The following DOC2A variants were observed in gnomAD, a reference collection of about 807,000 sequenced individuals.
DOC2A encodes double C2-like domain-containing protein alpha.
A neutral mutation model predicts 40.6 loss-of-function variants in DOC2A; 28 were observed. That is an observed-to-expected ratio of 0.69 (90% confidence interval 0.51 to 0.95). DOC2A has a LOEUF of 0.95. DOC2A is among the 40% of genes least tolerant of loss of function. The pLI, the probability that DOC2A is intolerant of heterozygous loss-of-function variation, is 0.00. For synonymous variants in DOC2A, 241 were observed against 236.9 expected, an observed-to-expected ratio of 1.02 and a Z score of -0.16; for missense variants, 474 against 552.5, an observed-to-expected ratio of 0.86 and a Z score of 1.42.
chr16:30,011,473 G>GCCTC (rs960703751), upstream of DOC2A: 2 of 950,878 alleles, frequency 2.1e-6, no homozygotes, highest in Non-Finnish European at 2.5e-6. Flanking sequence ...CGGCCACGGC[G>GCCTC]CCTCCCTCCC....
chr16:30,018,946 T>C (rs1205332399), intron 1 of DOC2A: 1 of 152,254 alleles, frequency 6.6e-6, no homozygotes, highest in Admixed American at 6.6e-5. Context: ...CCATTTGATT[T>C]GGCAGATTAT....
At position 30,006,090 on chromosome 16, in the gene DOC2A, G is replaced by A; in HGVS notation, c.*96C>T. 3 of 1,406,788 alleles carry A rather than the reference G, an allele frequency of 2.1e-6. No individual in the cohort carries two copies. In the South Asian group the frequency reaches 4.2e-5, roughly 20 times the overall value. The allele number at this position is 1,406,788 out of a possible 1,614,324, so 87.1% of individuals were successfully genotyped here. On this transcript the variant is annotated 3_prime_UTR_variant, in exon 11 of 11. Transcript: ENST00000350119. This position sits in a 1 kb window ranked among gnomAD's most constrained non-coding sequence, Gnocchi z 6.2. The stretch of plus-strand genomic sequence containing the variant: ...TCACAAAAATAGGTAGTGCAGGGTG[G>A]GGGCAGCCCACCCTGTGTAAACGTG...
In DOC2A at chr16:30,006,416, T is replaced by C; in HGVS notation, c.1054A>G (p.Ile352Val). ...DYDIGKSNDF[I>V]GGVSLGPGAR... ...CCGCAGCCAGCTCCTCCCTCACCAA[T>C]GAAGTCATTGGATTTGCCAATGTCA... The change falls in exon 10 of 11, where the codon ATT (isoleucine) becomes GTT (valine). Residue 352 changes from isoleucine (I) to valine (V), a missense_variant. Ile to Val is a conservative substitution (Grantham distance 29, BLOSUM62 3). Coordinates refer to ENST00000350119, the MANE Select transcript of DOC2A (RefSeq NM_003586.3). The surrounding 1 kb of genome is among the most constrained non-coding windows in gnomAD (Gnocchi z 6.2). 1 of 1,613,314 alleles carries C rather than the reference T, an allele frequency of 6.2e-7. No homozygotes were observed. Among genetic ancestry groups the C allele is most frequent in the Non-Finnish European group, 8.5e-7 (1 of 1,179,834 alleles).
rs747678330 is a variant in DOC2A, at chr16:30,007,031, C to T, written c.714G>A (p.Glu238=). 3.7e-6 allele frequency: 6 copies of T among 1,613,816 alleles called. No homozygotes were observed. The highest frequency in any genetic ancestry group is 4.5e-5 in the East Asian group (2 of 44,858). Residue 238 remains glutamate, a splice_region_variant and synonymous_variant, in exon 7 of 11, where the codon GAG becomes GAA. Coordinates refer to ENST00000350119, the MANE Select transcript of DOC2A (RefSeq NM_003586.3). ...TCCCCATCCCCATGAGGTGCCTCAC[C>T]TCCTTCAGATAACAGGAGATGCCCC... ...ALRGISCYLK[E]LEQAEQGQGL...
chr16:30,019,561 T>C (rs974787551), intron 1 of DOC2A, among the ~76,000 whole-genome samples: 1 of 152,158 alleles, frequency 6.6e-6, no homozygotes, highest in East Asian at 1.9e-4. Context: ...GATAATGCAT[T>C]GTTTGGGTCA....
chr16:30,009,206 C>G lies in DOC2A; in HGVS notation c.413G>C (p.Cys138Ser). 1 of 1,594,262 alleles carries G rather than the reference C, an allele frequency of 6.3e-7. No individual in the cohort carries two copies. Among genetic ancestry groups the G allele is most frequent in the South Asian group, 1.1e-5 (1 of 89,300 alleles). ...YVKLHLLPGA[C>S]KANKLKTKTQ... is the part of the protein sequence containing the mutation. ...GGGGCGAGAGGAGGCTGTTACCTTA[C>G]AGGCTCCAGGCAGCAAGTGCAGCTT... Residue 138 changes from cysteine (C) to serine (S), a missense_variant, in exon 4 of 11, where the codon TGT becomes TCT. Cys to Ser is a moderately radical substitution (Grantham distance 112, BLOSUM62 -1). Coordinates refer to ENST00000350119, the MANE Select transcript of DOC2A (RefSeq NM_003586.3). This position sits in a 1 kb window ranked among gnomAD's most constrained non-coding sequence, Gnocchi z 4.1.
At chr16:30,008,951 G>T in intron 5 of DOC2A, 45 bp downstream of exon 5, 1 of 1,305,628 alleles carries the variant, frequency 7.7e-7, no homozygotes, top group Non-Finnish European at 1.1e-6. Context: ...TACAATGTCA[G>T]CTGTCCCCGA....
Position 30,010,274 on chromosome 16 carries a change from T to C in DOC2A, c.-13-39A>G. ...TGTGAGCCAGTGAGCCCATCATACC[T>C]AGCCATCCTGGCTGAGGGCCAGGCG... On this transcript the variant is annotated intron_variant, in intron 1 of 10. Coordinates refer to ENST00000350119, the MANE Select transcript of DOC2A (RefSeq NM_003586.3). This position sits in a 1 kb window ranked among gnomAD's most constrained non-coding sequence, Gnocchi z 4.2. The C allele has an allele frequency of 6.2e-7, 1 of 1,608,996 alleles. No individual in the cohort carries two copies. Among genetic ancestry groups the C allele is most frequent in the Non-Finnish European group, 8.5e-7 (1 of 1,179,800 alleles).
chr16:30,008,940 T>C, intron 5 of DOC2A, 56 bp downstream of exon 5: 1 of 1,204,248 alleles, frequency 8.3e-7, no homozygotes, highest in Admixed American at 1.7e-5. Flanking sequence ...CAACCAGCGG[T>C]TACAATGTCA....
At chr16:30,023,111 G>A (rs573418204), upstream of DOC2A, 210 of 441,332 alleles carry the variant, frequency 4.8e-4, no homozygotes, top group African/African-American at 3.8e-3. Flanking sequence ...TGGCCGTGCC[G>A]CATCCCTCCT....
upstream of DOC2A, among the ~76,000 whole-genome samples, chr16:30,014,777 A>C (rs530418024): frequency 6.6e-6 from 1 of 151,860 alleles, no homozygotes; most frequent in Non-Finnish European, 1.5e-5. Flanking sequence ...GTCTCTATTA[A>C]AATTACAAAA....
In DOC2A at chr16:30,009,580, A is replaced by G. The variant is rs1455705590; in HGVS notation, c.263-23T>C. On this transcript the variant is annotated intron_variant, in intron 2 of 10. Coordinates refer to ENST00000350119, the MANE Select transcript of DOC2A (RefSeq NM_003586.3). This position sits in a 1 kb window ranked among gnomAD's most constrained non-coding sequence, Gnocchi z 4.1. ...CGGCTGGAGAGAGAGGAAAGGCAGCATGGGTCGGTATGGAGACAGGTGTGT... is the reference window on the plus strand; with the variant it reads ...CGGCTGGAGAGAGAGGAAAGGCAGCGTGGGTCGGTATGGAGACAGGTGTGT... 3 of 1,545,238 alleles carry G rather than the reference A, an allele frequency of 1.9e-6. No homozygotes were observed. In the South Asian group the frequency reaches 3.6e-5, roughly 18 times the overall value.
chr16:30,018,295 G>GA (rs887989103), intron 1 of DOC2A, among the ~76,000 whole-genome samples: 1 of 141,252 alleles, frequency 7.1e-6, no homozygotes, highest in African/African-American at 2.5e-5. Flanking sequence ...AAAAAAAAAA[G>GA]AAAGAAAGAA....
chr16:30,009,137 C>T lies in DOC2A; in HGVS notation c.418-32G>A, dbSNP rs2070702850. 1.2e-6 allele frequency: 2 copies of T among 1,601,138 alleles called. No individual in the cohort carries two copies. On this transcript the variant is annotated intron_variant, in intron 4 of 10. Coordinates refer to ENST00000350119, the MANE Select transcript of DOC2A (RefSeq NM_003586.3). This position sits in a 1 kb window ranked among gnomAD's most constrained non-coding sequence, Gnocchi z 4.1. ...TGTGGGGATGAAAGGTTCTCAATAC[C>T]TGTCCTCCAGCCCCACAGGCTGGAG...
Position 30,005,739 on chromosome 16 carries a change from T to G in DOC2A, c.*447A>C, listed in dbSNP as rs1049438420. On this transcript the variant is annotated 3_prime_UTR_variant, in exon 11 of 11. Transcript: ENST00000350119. ...GGCCACCTCTTTAAAAGGGCAGCTGTACAGGGCTAGGTTTTTTCAATGAAG... is the reference window on the plus strand; with the variant it reads ...GGCCACCTCTTTAAAAGGGCAGCTGGACAGGGCTAGGTTTTTTCAATGAAG... 1 of 503,462 alleles carries G rather than the reference T, an allele frequency of 2.0e-6. No homozygotes were observed. Among genetic ancestry groups the G allele is most frequent in the Non-Finnish European group, 3.5e-6 (1 of 285,598 alleles). 31.2% of individuals were successfully genotyped at this position (503,462 alleles called of 1,614,324 possible).
At position 30,006,861 on chromosome 16, in the gene DOC2A, G is replaced by C; in HGVS notation, c.802C>G (p.Leu268Val). 4.3e-6 allele frequency: 7 copies of C among 1,613,704 alleles called. No individual in the cohort carries two copies. Among genetic ancestry groups the C allele is most frequent in the Non-Finnish European group, 5.9e-6 (7 of 1,179,816 alleles). Residue 268 changes from leucine to valine, a missense_variant, in exon 8 of 11, where the codon CTG becomes GTG. Leu to Val is a conservative substitution (Grantham distance 32). Coordinates refer to ENST00000350119, the MANE Select transcript of DOC2A (RefSeq NM_003586.3). The surrounding 1 kb of genome is among the most constrained non-coding windows in gnomAD (Gnocchi z 6.2). ...SLSYSSRRRGLLVGILRCAHL... is the reference protein window; with the variant it reads ...SLSYSSRRRGVLVGILRCAHL... ...GCGCAGCGCAAGATGCCTACCAGCA[G>C]TCCCCGGCGCCGCGAGCTGTAGCTG...
chr16:30,018,139 G>T (rs1279048079), intron 1 of DOC2A, among the ~76,000 whole-genome samples: 2 of 145,548 alleles, frequency 1.4e-5, no homozygotes, highest in Non-Finnish European at 3.0e-5. Flanking sequence ...ACTTAGCTGG[G>T]CATGATGACT....
upstream of DOC2A, chr16:30,011,274 C>G (rs572217988): frequency 2.1e-4 from 203 of 954,882 alleles, 5 homozygotes; most frequent in South Asian, 8.5e-3. Context: ...ACGCCCGTGC[C>G]CACGTGTGCA....
Position 30,006,137 on chromosome 16 carries a change from G to T in DOC2A, c.*49C>A. On this transcript the variant is annotated 3_prime_UTR_variant, in exon 11 of 11. Transcript: ENST00000350119. The surrounding 1 kb of genome is among the most constrained non-coding windows in gnomAD (Gnocchi z 6.2). ...CGTGCAACACACTCGTGCGAAGGTTGGGTACTGGACCCGGCTCGATGGGCC... is the reference window on the plus strand; with the variant it reads ...CGTGCAACACACTCGTGCGAAGGTTTGGTACTGGACCCGGCTCGATGGGCC... The T allele has an allele frequency of 6.5e-7, 1 of 1,538,258 alleles. No homozygotes were observed. Among genetic ancestry groups the T allele is most frequent in the South Asian group, 1.2e-5 (1 of 84,074 alleles).
Sources: allele counts gnomAD v4.1 joint callset (sites outside exome capture counted in the v4.1 genomes callset), GRCh38; gene constraint gnomAD v4.1.1; non-coding constraint Gnocchi (gnomAD v3.1); transcripts MANE v1.5; gene names NCBI Gene and HGNC (gene_info 2026-07-23, HGNC 2026-07-21).